The following SPAG16 variants were observed in gnomAD, a reference collection of about 807,000 sequenced individuals.
SPAG16 encodes sperm-associated antigen 16 protein.
A neutral mutation model predicts 80.4 loss-of-function variants in SPAG16; 86 were observed. That is an observed-to-expected ratio of 1.07 (90% CI 0.90 to 1.28). SPAG16 has a LOEUF of 1.28. Ranked by LOEUF, SPAG16 falls within the 50% of genes most tolerant of loss-of-function variation. The pLI, the probability that SPAG16 is intolerant of heterozygous loss-of-function variation, is 0.00. For synonymous variants in SPAG16, 294 were observed against 265.9 expected (o/e 1.11, Z -1.03); for missense variants, 870 against 765.3 (o/e 1.14, Z -1.61).
intron 11 of SPAG16, among the ~76,000 whole-genome samples, chr2:213,929,681 A>G (rs564176745): frequency 6.6e-6 from 1 of 152,366 alleles, no homozygotes; most frequent in African/African-American, 2.4e-5. Context: ...CATGATAACA[A>G]AAACACTAAT....
At chr2:213,435,534 A>G (rs2070576769) in intron 9 of SPAG16, among the ~76,000 whole-genome samples, 1 of 152,200 alleles carries the variant, frequency 6.6e-6, no homozygotes, top group Admixed American at 6.5e-5. Context: ...TTTAATTTAT[A>G]CAAATAAGAA....
At chr2:213,286,996 G>A (rs13428264) in intron 1 of SPAG16, among the ~76,000 whole-genome samples, 32,803 of 152,082 alleles carry the variant, frequency 0.22, 4,392 homozygotes, top group Non-Finnish European at 0.31. Flanking sequence ...TCTCCTAGCT[G>A]TAACAGTGCC....
rs77549117 is a variant in SPAG16 at position 213,840,599 on chromosome 2, A to G, written c.1071-21886A>G. 9.1e-3 allele frequency among the ~76,000 whole-genome samples: 1,384 copies of G among 152,344 alleles called. 24 individuals are homozygous for G. Among genetic ancestry groups the G allele is most frequent in the African/African-American group, 0.03 (1,255 of 41,582 alleles). Reference sequence around the variant, plus strand: ...TAAGGTAAATTCCATAACTGTCTACATCAACAGTTCAAATCTGGAGGTTGA... The same window carrying G: ...TAAGGTAAATTCCATAACTGTCTACGTCAACAGTTCAAATCTGGAGGTTGA... On this transcript the variant is annotated intron_variant, in intron 10 of 15. Transcript: ENST00000331683.
chr2:213,783,441 AT>A (rs1006881649), intron 10 of SPAG16, among the ~76,000 whole-genome samples: 4 of 145,740 alleles, frequency 2.7e-5, no homozygotes, highest in Admixed American at 6.9e-5. Context: ...TATATCTATT[AT>A]TTTTTTTAAG....
intron 10 of SPAG16, among the ~76,000 whole-genome samples, chr2:213,579,852 A>G (rs75538042): frequency 6.6e-6 from 1 of 152,190 alleles, no homozygotes; most frequent in African/African-American, 2.4e-5. Context: ...ATATTAATCA[A>G]GATGACATTG....
chr2:213,332,510 A>G (rs994891357), intron 5 of SPAG16, among the ~76,000 whole-genome samples: 9 of 152,278 alleles, frequency 5.9e-5, no homozygotes, highest in Admixed American at 5.9e-4. Flanking sequence ...ATACAGGAAG[A>G]GGGAATCTTT....
chr2:213,350,151 A>C (rs1428900721), intron 6 of SPAG16, among the ~76,000 whole-genome samples: 1 of 152,206 alleles, frequency 6.6e-6, no homozygotes, highest in Non-Finnish European at 1.5e-5. Context: ...ATGACACTCC[A>C]TGTTTAATCA....
chr2:214,264,280 C>A (rs1161887759), intron 15 of SPAG16, among the ~76,000 whole-genome samples: 1 of 152,128 alleles, frequency 6.6e-6, no homozygotes, highest in African/African-American at 2.4e-5. Context: ...TCTCTGTGGA[C>A]TCTAAGTGCT....
At chr2:213,307,392 TC>T (rs1363124266) in intron 3 of SPAG16, among the ~76,000 whole-genome samples, 21 of 133,370 alleles carry the variant, frequency 1.6e-4, no homozygotes, top group African/African-American at 5.7e-4. Context: ...AGTGTGATGT[TC>T]CCCTTCCTGT....
chr2:213,761,703 A>G (rs907234630), intron 10 of SPAG16, among the ~76,000 whole-genome samples: 21 of 151,870 alleles, frequency 1.4e-4, no homozygotes, highest in African/African-American at 5.1e-4. Context: ...TACTAAAACT[A>G]CAAAAACAAA....
chr2:213,481,762 C>A (rs776869364), intron 9 of SPAG16, among the ~76,000 whole-genome samples: 2 of 152,130 alleles, frequency 1.3e-5, no homozygotes, highest in Admixed American at 6.5e-5. Context: ...TCTTGCATTC[C>A]CCAAAGGGAA....
intron 3 of SPAG16, among the ~76,000 whole-genome samples, 153 bp downstream of exon 3, chr2:213,297,510 A>C (rs781650855): frequency 6.6e-6 from 1 of 152,170 alleles, no homozygotes; most frequent in Non-Finnish European, 1.5e-5. Flanking sequence ...CTTCACTTTA[A>C]GGTAAGCAGT....
chr2:214,367,939 A>G (rs932906583), intron 15 of SPAG16, among the ~76,000 whole-genome samples: 1 of 152,136 alleles, frequency 6.6e-6, no homozygotes, highest in Non-Finnish European at 1.5e-5. Context: ...TCTCTGACCT[A>G]TATCTTGAAG....
chr2:213,574,052 G>GA, intron 10 of SPAG16, among the ~76,000 whole-genome samples: 1 of 151,860 alleles, frequency 6.6e-6, no homozygotes. Flanking sequence ...TATAATTTGA[G>GA]AAAAAAAGAA....
Position 213,288,501 on chromosome 2 carries a change from C to T in SPAG16, c.136+3882C>T, listed in dbSNP as rs531229229. On this transcript the variant is annotated intron_variant, in intron 1 of 15. Coordinates refer to ENST00000331683, the MANE Select transcript of SPAG16 (RefSeq NM_024532.5). ...TTTTTTTTTGTATTTTCAGTAGAGACGGGGTTTCACTGTGTTAGCCAGGAT... is the reference window on the plus strand; with the variant it reads ...TTTTTTTTTGTATTTTCAGTAGAGATGGGGTTTCACTGTGTTAGCCAGGAT... Among the ~76,000 whole-genome samples the T allele has an allele frequency of 7.3e-5, 11 of 150,032 alleles. No homozygotes were observed. The South Asian group carries it at 1.1e-3, about 14-fold the overall frequency.
At chr2:213,607,890 A>G (rs990604107) in intron 10 of SPAG16, among the ~76,000 whole-genome samples, 1 of 152,228 alleles carries the variant, frequency 6.6e-6, no homozygotes, top group Non-Finnish European at 1.5e-5. Flanking sequence ...TTTCCCTTCC[A>G]TTAAGGCTAA....
At chr2:214,197,004 A>G (rs1048525754) in intron 15 of SPAG16, among the ~76,000 whole-genome samples, 2 of 152,046 alleles carry the variant, frequency 1.3e-5, no homozygotes, top group African/African-American at 2.4e-5. Context: ...TCTAACAGCC[A>G]TAATTAATAA....
intron 10 of SPAG16, among the ~76,000 whole-genome samples, chr2:213,508,922 A>T (rs2075100384): frequency 1.3e-5 from 2 of 152,054 alleles, no homozygotes; most frequent in African/African-American, 4.8e-5. Flanking sequence ...TATAATTAAA[A>T]AAAAAAAAGT....
intron 10 of SPAG16, among the ~76,000 whole-genome samples, chr2:213,814,745 G>C (rs1009358770): frequency 6.6e-6 from 1 of 151,880 alleles, no homozygotes; most frequent in East Asian, 1.9e-4. Context: ...AGCCGAGATC[G>C]CACCACTGCA....
Sources: allele counts gnomAD v4.1 joint callset (sites outside exome capture counted in the v4.1 genomes callset), GRCh38; gene constraint gnomAD v4.1.1; transcripts MANE v1.5; gene names NCBI Gene and HGNC (gene_info 2026-07-23, HGNC 2026-07-21).